The following PRR16 variants were observed in gnomAD, a reference collection of about 807,000 sequenced individuals.
PRR16 encodes the protein proline rich 16.
Under a neutral mutation model 18.2 loss-of-function variants are expected in PRR16, and 6 were observed. The observed-to-expected ratio is 0.33, with a 90% CI of 0.18 to 0.65. PRR16 has a LOEUF of 0.65. Among genes scored for constraint, PRR16 ranks in the 30% least tolerant of loss-of-function variants. The probability of loss-of-function intolerance (pLI) is 0.74; values close to 1 mark genes in which losing one functional copy is unlikely to be tolerated. For synonymous variants in PRR16, 151 were observed against 147.8 expected, an observed-to-expected ratio of 1.02 and a Z score of -0.16; for missense variants, 412 against 376.6, an observed-to-expected ratio of 1.09 and a Z score of -0.78.
intron 1 of PRR16, among the ~76,000 whole-genome samples, chr5:120,498,502 T>C (rs1182212488): frequency 6.6e-6 from 1 of 151,696 alleles, no homozygotes; most frequent in African/African-American, 2.4e-5. Context: ...TTTCTCTACA[T>C]ATATGTAGAA....
the PRR16 span, among the ~76,000 whole-genome samples, chr5:120,774,091 A>AT: frequency 6.6e-6 from 1 of 152,068 alleles, no homozygotes; most frequent in Non-Finnish European, 1.5e-5. Context: ...TTGCTATGAA[A>AT]ATATCAGTTT....
chr5:120,708,950 ATTTATC>A, the PRR16 span, among the ~76,000 whole-genome samples: 2 of 125,936 alleles, frequency 1.6e-5, no homozygotes, highest in African/African-American at 3.0e-5. Context: ...TATCTTCTGA[ATTTATC>A]TTTACTCTTT....
At chr5:120,627,606 T>G (rs1754909967) in intron 1 of PRR16, among the ~76,000 whole-genome samples, 2 of 152,098 alleles carry the variant, frequency 1.3e-5, no homozygotes, top group Admixed American at 1.3e-4. Flanking sequence ...TTTTCACTAC[T>G]GGGCTTTAAG....
intron 1 of PRR16, among the ~76,000 whole-genome samples, chr5:120,641,097 C>T (rs149676182): frequency 8.1e-4 from 124 of 152,216 alleles, no homozygotes; most frequent in African/African-American, 2.8e-3. Flanking sequence ...AAAGGGAAAC[C>T]GTGAGGGTGA....
the PRR16 span, among the ~76,000 whole-genome samples, chr5:120,765,054 T>TACACCTCA: frequency 6.6e-6 from 1 of 152,086 alleles, no homozygotes; most frequent in Non-Finnish European, 1.5e-5. Flanking sequence ...TGATATCCTC[T>TACACCTCA]GTCTTTTGAA....
rs181938656 is a variant in PRR16, at chr5:120,488,195, G to C, written c.159+23550G>C. 6.9e-3 allele frequency among the ~76,000 whole-genome samples: 1,052 copies of C among 152,156 alleles called. 11 individuals are homozygous for C. Among genetic ancestry groups the C allele is most frequent in the Non-Finnish European group, 0.012 (793 of 67,988 alleles). ...GTTAGGGAGGTTTCCCTCTTTTTCTGTTGATTGGAATAGTTTCAGAAGGAA... is the reference window on the plus strand; with the variant it reads ...GTTAGGGAGGTTTCCCTCTTTTTCTCTTGATTGGAATAGTTTCAGAAGGAA... On this transcript the variant is annotated intron_variant, in intron 1 of 1. Transcript: ENST00000407149.
chr5:120,760,824 G>T, the PRR16 span, among the ~76,000 whole-genome samples: 1 of 152,036 alleles, frequency 6.6e-6, no homozygotes, highest in East Asian at 1.9e-4. Flanking sequence ...ATACATTACA[G>T]CAGGATTGAG....
the PRR16 span, among the ~76,000 whole-genome samples, chr5:120,744,504 G>C: frequency 6.6e-6 from 1 of 152,240 alleles, no homozygotes; most frequent in Admixed American, 6.5e-5. Flanking sequence ...TCCTAGCTCT[G>C]TGCCTGCAAA....
rs541023104 is a variant in PRR16, at chr5:120,512,486, CAGAA to C, written c.159+47844_159+47847del. Among the ~76,000 whole-genome samples, 53 of 152,154 alleles carry C rather than the reference CAGAA, an allele frequency of 3.5e-4. No individual in the cohort carries two copies. In the East Asian group the frequency reaches 8.5e-3, roughly 25 times the overall value. On this transcript the variant is annotated intron_variant, in intron 1 of 1. Transcript: ENST00000407149. ...GCTTCTGACCGTTATTCCCAGTAATCAGAAAGGGATGAATTGCATCTTATGGGTC... is the reference window on the plus strand; with the variant it reads ...GCTTCTGACCGTTATTCCCAGTAATCAGGGATGAATTGCATCTTATGGGTC...
intron 1 of PRR16, among the ~76,000 whole-genome samples, chr5:120,620,905 G>A (rs899092813): frequency 2.0e-5 from 3 of 152,006 alleles, no homozygotes; most frequent in Non-Finnish European, 4.4e-5. Flanking sequence ...TGTTTAATAA[G>A]CATCTTAAAA....
chr5:120,565,568 A>G (rs1447225144), intron 1 of PRR16, among the ~76,000 whole-genome samples: 1 of 152,210 alleles, frequency 6.6e-6, no homozygotes, highest in Non-Finnish European at 1.5e-5. Flanking sequence ...GAAAAATCAT[A>G]CATAATTGAA....
chr5:120,626,300 C>T (rs770566696), intron 1 of PRR16, among the ~76,000 whole-genome samples: 1 of 152,116 alleles, frequency 6.6e-6, no homozygotes, highest in Non-Finnish European at 1.5e-5. Flanking sequence ...ACTGCTGACA[C>T]ATGCTCCAAC....
intron 1 of PRR16, among the ~76,000 whole-genome samples, chr5:120,518,565 T>C (rs78522697): frequency 4.6e-5 from 4 of 86,900 alleles, no homozygotes; most frequent in African/African-American, 2.0e-4. Flanking sequence ...CATTAAAATC[T>C]TTTTTTTTTT....
intron 1 of PRR16, among the ~76,000 whole-genome samples, chr5:120,684,447 A>G (rs145927800): frequency 1.3e-5 from 2 of 152,108 alleles, no homozygotes; most frequent in Admixed American, 6.5e-5. Flanking sequence ...TTCACAGTTG[A>G]TTAAACTTAG....
At chr5:120,646,048 T>TTTTATATATATATATA (rs748781292) in intron 1 of PRR16, among the ~76,000 whole-genome samples, 4 of 104,996 alleles carry the variant, frequency 3.8e-5, no homozygotes, top group East Asian at 7.7e-4. Context: ...AATACATATT[T>TTTTATATATATATATA]TATATATATA....
intron 1 of PRR16, among the ~76,000 whole-genome samples, chr5:120,648,688 G>C (rs1047344195): frequency 6.6e-6 from 1 of 152,092 alleles, no homozygotes; most frequent in East Asian, 1.9e-4. Context: ...CTTTCAGAGA[G>C]AGAATTGATG....
the PRR16 span, among the ~76,000 whole-genome samples, chr5:120,712,972 C>A: frequency 6.6e-6 from 1 of 152,036 alleles, no homozygotes; most frequent in African/African-American, 2.4e-5. Context: ...ACGTATATGA[C>A]CAAAGGAAAT....
the PRR16 span, among the ~76,000 whole-genome samples, chr5:120,773,086 T>G: frequency 6.6e-6 from 1 of 152,144 alleles, no homozygotes; most frequent in African/African-American, 2.4e-5. Flanking sequence ...AATCTGTGTG[T>G]GGCTTTGACT....
the PRR16 span, among the ~76,000 whole-genome samples, chr5:120,719,165 T>C: frequency 1.3e-5 from 2 of 152,142 alleles, no homozygotes; most frequent in East Asian, 3.9e-4. Context: ...TATATACTTT[T>C]CTTGGGATAT....
Sources: gnomAD v4.1 joint callset for allele counts (sites outside exome capture counted in the v4.1 genomes callset) on GRCh38, gnomAD v4.1.1 for gene constraint, MANE v1.5 for transcripts, NCBI Gene and HGNC (gene_info 2026-07-23, HGNC 2026-07-21) for gene names.